Variants in CACNA2D1 observed in about 807,000 individuals in gnomAD.
CACNA2D1 encodes the protein voltage-dependent calcium channel subunit alpha-2/delta-1.
In CACNA2D1, 53 loss-of-function variants were observed where a neutral mutation model predicts 171.5. That is an observed-to-expected ratio of 0.31 (90% CI 0.25 to 0.39). The LOEUF (loss-of-function observed/expected upper bound fraction) is 0.39, where lower values mean the gene tolerates loss of function less well. Among genes scored for constraint, CACNA2D1 ranks in the 10% least tolerant of loss-of-function variants. The pLI is 1.00. For missense variants in CACNA2D1, 903 were observed against 1,299.8 expected, an observed-to-expected ratio of 0.69 and a Z score of 4.69; for synonymous variants, 442 against 443.1, an observed-to-expected ratio of 1.00 and a Z score of 0.03.
chr7:82,013,601 G>C (rs1314075424), intron 13 of CACNA2D1, 91 bp from the exon 14 acceptor site: 1 of 442,342 alleles, frequency 2.3e-6, no homozygotes, highest in Non-Finnish European at 3.4e-6. Flanking sequence ...TTTATAAAGA[G>C]TATTTTGAAA....
chr7:81,955,915 G>C lies in CACNA2D1; in HGVS notation c.3159+3360C>G, dbSNP rs1395855791. On this transcript the variant is annotated intron_variant, in intron 38 of 38. Coordinates refer to ENST00000356860, the MANE Select transcript of CACNA2D1 (RefSeq NM_000722.4). Reference sequence around the variant, plus strand: ...AAAATGTTATTTTGGTGGGGGGGGGGGGGGGTGGTGGTCTTAGGTTAAAAA... The same window carrying C: ...AAAATGTTATTTTGGTGGGGGGGGGCGGGGGTGGTGGTCTTAGGTTAAAAA... Among the ~76,000 whole-genome samples, 42 of 107,626 alleles carry C rather than the reference G, an allele frequency of 3.9e-4. 4 individuals are homozygous for C. The highest frequency in any genetic ancestry group is 7.1e-4 in the Non-Finnish European group (38 of 53,760). The allele number at this position is 107,626 out of a possible 152,430, so 70.6% of individuals were successfully genotyped here.
chr7:82,409,549 A>G (rs1563512387), intron 1 of CACNA2D1, among the ~76,000 whole-genome samples: 1 of 152,214 alleles, frequency 6.6e-6, no homozygotes, highest in Non-Finnish European at 1.5e-5. Flanking sequence ...GTAAATTCTT[A>G]AAAATACCAA....
chr7:82,043,302 G>C (rs997715848), intron 10 of CACNA2D1, among the ~76,000 whole-genome samples: 5 of 152,128 alleles, frequency 3.3e-5, no homozygotes, highest in Non-Finnish European at 7.4e-5. Context: ...ATCTAACATA[G>C]AGTCTGACAT....
At chr7:82,366,352 G>A (rs1384362851) in intron 1 of CACNA2D1, among the ~76,000 whole-genome samples, 3 of 152,070 alleles carry the variant, frequency 2.0e-5, no homozygotes, top group South Asian at 2.1e-4. Context: ...TAGCCAATAG[G>A]CGGTTTTTCA....
intron 3 of CACNA2D1, among the ~76,000 whole-genome samples, chr7:82,299,451 A>G (rs945916240): frequency 1.3e-5 from 2 of 152,050 alleles, no homozygotes; most frequent in African/African-American, 4.8e-5. Flanking sequence ...ACTTGAGGTC[A>G]GGAGTTCGAG....
chr7:82,062,292 C>T (rs1807030550), intron 9 of CACNA2D1, among the ~76,000 whole-genome samples: 1 of 152,106 alleles, frequency 6.6e-6, no homozygotes, highest in African/African-American at 2.4e-5. Flanking sequence ...AATCCTCTAC[C>T]TCCTCCATAA....
intron 9 of CACNA2D1, among the ~76,000 whole-genome samples, chr7:82,063,530 G>T (rs1433721715): frequency 6.6e-6 from 1 of 151,504 alleles, no homozygotes; most frequent in Admixed American, 6.6e-5. Context: ...CAAATTACTA[G>T]ATTTTGTTTC....
intron 3 of CACNA2D1, among the ~76,000 whole-genome samples, chr7:82,243,113 C>T (rs924683807): frequency 2.0e-5 from 3 of 151,954 alleles, no homozygotes; most frequent in African/African-American, 7.2e-5. Flanking sequence ...GTATAAAAAA[C>T]ATTTTAAACT....
At chr7:82,347,107 AC>A (rs1273896420) in intron 2 of CACNA2D1, among the ~76,000 whole-genome samples, 1 of 152,102 alleles carries the variant, frequency 6.6e-6, no homozygotes, top group Admixed American at 6.6e-5. Flanking sequence ...TCCTAAACAA[AC>A]CTATTCACTC....
chr7:82,429,317 A>G (rs1829471778), intron 1 of CACNA2D1, among the ~76,000 whole-genome samples: 1 of 152,152 alleles, frequency 6.6e-6, no homozygotes, highest in African/African-American at 2.4e-5. Context: ...CATCATATAA[A>G]TATGTACATA....
At chr7:82,097,644 C>A (rs1812050345) in intron 6 of CACNA2D1, among the ~76,000 whole-genome samples, 1 of 151,992 alleles carries the variant, frequency 6.6e-6, no homozygotes, top group Non-Finnish European at 1.5e-5. Flanking sequence ...TCTGAGATAT[C>A]CATTAAACCG....
chr7:81,989,012 T>C (rs917618789), intron 21 of CACNA2D1, among the ~76,000 whole-genome samples: 2 of 152,140 alleles, frequency 1.3e-5, no homozygotes, highest in Non-Finnish European at 2.9e-5. Context: ...AATAGGATCG[T>C]TGGAGAAGGC....
At chr7:82,037,263 G>T (rs1201535220) in intron 11 of CACNA2D1, among the ~76,000 whole-genome samples, 1 of 152,176 alleles carries the variant, frequency 6.6e-6, no homozygotes, top group Non-Finnish European at 1.5e-5. Context: ...TGGATCACCT[G>T]GGGTCAGAAG....
chr7:82,085,891 A>G (rs1193193954), intron 6 of CACNA2D1, among the ~76,000 whole-genome samples: 2 of 152,192 alleles, frequency 1.3e-5, no homozygotes, highest in Non-Finnish European at 2.9e-5. Context: ...ATGGGTTAAA[A>G]TAGTGCATAA....
chr7:82,271,830 A>G (rs2129351688), intron 3 of CACNA2D1, among the ~76,000 whole-genome samples: 1 of 152,248 alleles, frequency 6.6e-6, no homozygotes, highest in East Asian at 1.9e-4. Context: ...CTTTTTCAAA[A>G]TAAATAATAT....
chr7:82,167,028 C>T (rs1163216449), intron 4 of CACNA2D1, among the ~76,000 whole-genome samples: 1 of 152,002 alleles, frequency 6.6e-6, no homozygotes, highest in East Asian at 1.9e-4. Context: ...CCTACTTACA[C>T]TTGAGGGAAG....
intron 10 of CACNA2D1, among the ~76,000 whole-genome samples, chr7:82,057,443 G>A (rs1377855581): frequency 6.6e-6 from 1 of 152,136 alleles, no homozygotes; most frequent in African/African-American, 2.4e-5. Context: ...AAGTGTGTAT[G>A]TGTTGGGGGA....
At chr7:82,196,134 T>G (rs527642989) in intron 3 of CACNA2D1, among the ~76,000 whole-genome samples, 1 of 152,068 alleles carries the variant, frequency 6.6e-6, no homozygotes, top group Non-Finnish European at 1.5e-5. Context: ...CTTTGCTTTT[T>G]ATTACATAGC....
intron 1 of CACNA2D1, among the ~76,000 whole-genome samples, chr7:82,381,946 TATAA>T (rs3835337): frequency 0.34 from 51,882 of 151,734 alleles, 11,514 homozygotes; most frequent in African/African-American, 0.64. Flanking sequence ...CATAGAAGTG[TATAA>T]ATAAATACAA....
Sources: gnomAD v4.1 joint callset for allele counts (sites outside exome capture counted in the v4.1 genomes callset) on GRCh38, gnomAD v4.1.1 for gene constraint, MANE v1.5 for transcripts, NCBI Gene and HGNC (gene_info 2026-07-23, HGNC 2026-07-21) for gene names.